Variants in VWC2L observed in about 807,000 individuals in gnomAD.
VWC2L encodes von Willebrand factor C domain-containing protein 2-like.
A neutral mutation model predicts 21.6 loss-of-function variants in VWC2L; 10 were observed. That is an observed-to-expected ratio of 0.46 (90% CI 0.29 to 0.78). The LOEUF (loss-of-function observed/expected upper bound fraction) is 0.78. Among genes scored for constraint, VWC2L ranks in the 30% least tolerant of loss-of-function variants. VWC2L has a pLI of 0.10. For missense variants in VWC2L, 209 were observed against 277.1 expected, an observed-to-expected ratio of 0.75 and a Z score of 1.74; for synonymous variants, 96 against 94.3, an observed-to-expected ratio of 1.02 and a Z score of -0.10.
chr2:214,431,125 G>A (rs916516792), intron 2 of VWC2L, among the ~76,000 whole-genome samples: 10 of 152,208 alleles, frequency 6.6e-5, no homozygotes, highest in African/African-American at 2.4e-4. Flanking sequence ...CCGGCTACGG[G>A]AGTGGCAGTG....
At chr2:214,494,703 A>G (rs1193822057) in intron 3 of VWC2L, among the ~76,000 whole-genome samples, 1 of 152,156 alleles carries the variant, frequency 6.6e-6, no homozygotes, top group Non-Finnish European at 1.5e-5. Flanking sequence ...GGTGTTGCCT[A>G]CCTCAAGACT....
intron 3 of VWC2L, among the ~76,000 whole-genome samples, chr2:214,507,802 A>T (rs1268104975): frequency 6.6e-6 from 1 of 152,202 alleles, no homozygotes; most frequent in East Asian, 1.9e-4. Context: ...GTTTTCCGCT[A>T]GATGGCACAT....
intron 1 of VWC2L, among the ~76,000 whole-genome samples, chr2:214,413,384 A>C (rs1702305845): frequency 6.6e-6 from 1 of 152,078 alleles, no homozygotes; most frequent in Non-Finnish European, 1.5e-5. Context: ...CAATAATACA[A>C]ATAAATTTGT....
At chr2:214,574,383 T>C (rs1454194224) in intron 3 of VWC2L, among the ~76,000 whole-genome samples, 1 of 152,216 alleles carries the variant, frequency 6.6e-6, no homozygotes, top group Non-Finnish European at 1.5e-5. Context: ...ATTAAAACCA[T>C]AACATATTGA....
chr2:214,491,670 C>G (rs984760310), intron 3 of VWC2L, among the ~76,000 whole-genome samples: 6 of 152,112 alleles, frequency 3.9e-5, no homozygotes, highest in African/African-American at 1.4e-4. Context: ...TCACTCAATT[C>G]TAAGAAACAG....
chr2:214,468,467 T>C (rs1205502824), intron 3 of VWC2L, among the ~76,000 whole-genome samples: 1 of 152,202 alleles, frequency 6.6e-6, no homozygotes, highest in Non-Finnish European at 1.5e-5. Flanking sequence ...CATAGCAATA[T>C]GGTTATTAAC....
intron 3 of VWC2L, among the ~76,000 whole-genome samples, chr2:214,482,536 T>TACAC (rs58784551): frequency 1.0e-4 from 15 of 148,588 alleles, no homozygotes; most frequent in African/African-American, 2.8e-4. Flanking sequence ...TCTATATATA[T>TACAC]ACACACACAC....
At chr2:214,424,026 A>C (rs1702481164) in intron 2 of VWC2L, among the ~76,000 whole-genome samples, 1 of 152,088 alleles carries the variant, frequency 6.6e-6, no homozygotes, top group Admixed American at 6.5e-5. Flanking sequence ...ACAACAACAA[A>C]AATCTCTAAA....
intron 3 of VWC2L, among the ~76,000 whole-genome samples, chr2:214,521,335 C>T (rs986271919): frequency 2.0e-5 from 3 of 152,046 alleles, no homozygotes; most frequent in Non-Finnish European, 4.4e-5. Flanking sequence ...CTCATTTAAT[C>T]CTCAAAACAC....
intron 3 of VWC2L, among the ~76,000 whole-genome samples, chr2:214,565,593 A>G (rs993716413): frequency 6.6e-6 from 1 of 152,212 alleles, no homozygotes; most frequent in African/African-American, 2.4e-5. Flanking sequence ...AAAACTATTC[A>G]TGACATGAAC....
chr2:214,544,162 G>A (rs1427365693), intron 3 of VWC2L, among the ~76,000 whole-genome samples: 3 of 152,166 alleles, frequency 2.0e-5, no homozygotes, highest in Non-Finnish European at 4.4e-5. Flanking sequence ...TTTGCTCTGT[G>A]TTTGTGAAAA....
chr2:214,425,590 G>T (rs917432707), intron 2 of VWC2L, among the ~76,000 whole-genome samples: 7 of 151,872 alleles, frequency 4.6e-5, no homozygotes, highest in Admixed American at 2.0e-4. Flanking sequence ...TAATATAATA[G>T]ATATATTTAG....
At chr2:214,430,835 T>C (rs1212304857) in intron 2 of VWC2L, among the ~76,000 whole-genome samples, 1 of 152,228 alleles carries the variant, frequency 6.6e-6, no homozygotes, top group African/African-American at 2.4e-5. Flanking sequence ...TAAAAAACTC[T>C]GTGCATCTGC....
chr2:214,562,018 C>T (rs928103825), intron 3 of VWC2L, among the ~76,000 whole-genome samples: 9 of 151,766 alleles, frequency 5.9e-5, no homozygotes, highest in Admixed American at 5.9e-4. Flanking sequence ...GTCTGTGGTA[C>T]ATGTACAGGC....
At chr2:214,413,139 C>A (rs1702302369) in intron 1 of VWC2L, among the ~76,000 whole-genome samples, 1 of 152,032 alleles carries the variant, frequency 6.6e-6, no homozygotes, top group Non-Finnish European at 1.5e-5. Flanking sequence ...CAGTTTTAAG[C>A]AACTTCCATA....
At chr2:214,520,826 T>A (rs557720893) in intron 3 of VWC2L, among the ~76,000 whole-genome samples, 3 of 152,082 alleles carry the variant, frequency 2.0e-5, no homozygotes, top group Non-Finnish European at 4.4e-5. Flanking sequence ...GGAAAGGAAA[T>A]ACATGAAAGT....
At chr2:214,460,636 C>T (rs529014825) in intron 3 of VWC2L, among the ~76,000 whole-genome samples, 1 of 152,178 alleles carries the variant, frequency 6.6e-6, no homozygotes, top group Admixed American at 6.5e-5. Flanking sequence ...TTTATAACAT[C>T]TATTTCTTTG....
At chr2:214,462,533 C>T (rs1238547687) in intron 3 of VWC2L, among the ~76,000 whole-genome samples, 5 of 152,172 alleles carry the variant, frequency 3.3e-5, no homozygotes, top group Non-Finnish European at 7.4e-5. Context: ...AGTCAGCCTC[C>T]TTGAAGCCCC....
At chr2:214,429,964 C>G (rs1047995152) in intron 2 of VWC2L, among the ~76,000 whole-genome samples, 3 of 152,048 alleles carry the variant, frequency 2.0e-5, no homozygotes, top group Non-Finnish European at 4.4e-5. Flanking sequence ...GCTGGGACTA[C>G]AGGCACCTGC....
Sources: gnomAD v4.1 joint callset for allele counts (sites outside exome capture counted in the v4.1 genomes callset) on GRCh38, gnomAD v4.1.1 for gene constraint, MANE v1.5 for transcripts, NCBI Gene and HGNC (gene_info 2026-07-23, HGNC 2026-07-21) for gene names.